Variants in ADGRB2 observed in about 807,000 individuals in gnomAD.
ADGRB2 encodes adhesion G protein-coupled receptor B2.
A neutral mutation model predicts 178.7 loss-of-function variants in ADGRB2; 47 were observed. The observed-to-expected ratio is 0.26, with a 90% CI of 0.21 to 0.34. The LOEUF (loss-of-function observed/expected upper bound fraction) is 0.34. Among genes scored for constraint, ADGRB2 ranks in the 10% least tolerant of loss-of-function variants. The probability of loss-of-function intolerance (pLI) is 1.00; values close to 1 mark genes in which losing one functional copy is unlikely to be tolerated. For synonymous variants in ADGRB2, 870 were observed against 912.4 expected (o/e 0.95, Z 0.84); for missense variants, 1,584 against 2,180.8 (o/e 0.73, Z 5.45).
chr1:31,751,116 C>T (rs978005124), intron 4 of ADGRB2, among the ~76,000 whole-genome samples: 1 of 152,214 alleles, frequency 6.6e-6, no homozygotes, highest in Non-Finnish European at 1.5e-5. Flanking sequence ...GGCCCCGTCT[C>T]CCTCCACCAG....
rs777699035 is a variant in ADGRB2, at chr1:31,756,260, A to AGTT, written c.574_576dup (p.Asn192dup). ...AGCACACCACAGGTGAATTGGCTAG[A>AGTT]GTTGTTGTTGTTGATGAGCAAGACC... On this transcript the variant is annotated inframe_insertion, in exon 4 of 33. Coordinates refer to ENST00000373658, the MANE Select transcript of ADGRB2 (RefSeq NM_001364857.2). The surrounding 1 kb of genome is among the most constrained non-coding windows in gnomAD (Gnocchi z 8.5). 3.1e-6 allele frequency: 5 copies of AGTT among 1,613,354 alleles called. No individual in the cohort carries two copies. The highest frequency in any genetic ancestry group is 4.2e-6 in the Non-Finnish European group (5 of 1,179,944).
chr1:31,728,391 C>G lies in ADGRB2; in HGVS notation c.4417-111G>C. ...CCACATCCCTCCCTGCTGCCAGCCC[C>G]TCTGGGACAAGACCTAGTTCTCTCT... On this transcript the variant is annotated intron_variant, in intron 30 of 32. Coordinates refer to ENST00000373658, the MANE Select transcript of ADGRB2 (RefSeq NM_001364857.2). This position sits in a 1 kb window ranked among gnomAD's most constrained non-coding sequence, Gnocchi z 6.7. 2 of 1,341,342 alleles carry G rather than the reference C, an allele frequency of 1.5e-6. No homozygotes were observed. The highest frequency in any genetic ancestry group is 1.1e-6 in the Non-Finnish European group (1 of 950,918). The allele number at this position is 1,341,342 out of a possible 1,614,324, so 83.1% of individuals were successfully genotyped here.
chr1:31,754,734 T>A lies in ADGRB2; in HGVS notation c.838+1265A>T, dbSNP rs1045504950. The stretch of plus-strand genomic sequence containing the variant: ...CCCCATCGAAAGTACTGGGTTAGGC[T>A]ACTTTCAAGATAACTACCCCCTCTA... On this transcript the variant is annotated intron_variant, in intron 4 of 32. Transcript: ENST00000373658. This position sits in a 1 kb window ranked among gnomAD's most constrained non-coding sequence, Gnocchi z 5.7. Among the ~76,000 whole-genome samples the A allele has an allele frequency of 2.0e-5, 3 of 152,218 alleles. No individual in the cohort carries two copies. The highest frequency in any genetic ancestry group is 4.4e-5 in the Non-Finnish European group (3 of 68,046).
chr1:31,739,495 A>G lies in ADGRB2; in HGVS notation c.2308T>C (p.Ser770Pro). ...FLPKEVLSLSSPGKPATSGAA... is the reference protein window; with the variant it reads ...FLPKEVLSLSPPGKPATSGAA... ...CCAGATGTGGCTGGCTTCCCTGGGG[A>G]GGAGAGGCTGAGCACCTCCTTGGGC... The change falls in exon 15 of 33, where the codon TCC becomes CCC. Residue 770 changes from serine (S) to proline (P), a missense_variant. Physicochemically the swap from Ser to Pro is moderately conservative, Grantham distance 74. Around this residue, in one of 3 missense-constraint regions of ADGRB2, gnomAD observed 865 missense variants for 1,192.8 expected, o/e 0.73. Coordinates refer to ENST00000373658, the MANE Select transcript of ADGRB2 (RefSeq NM_001364857.2). 1 of 1,612,092 alleles carries G rather than the reference A, an allele frequency of 6.2e-7. No individual in the cohort carries two copies.
chr1:31,728,393 C>G lies in ADGRB2; in HGVS notation c.4417-113G>C, dbSNP rs901642491. ...ACATCCCTCCCTGCTGCCAGCCCCT[C>G]TGGGACAAGACCTAGTTCTCTCTTC... On this transcript the variant is annotated intron_variant, in intron 30 of 32. Transcript: ENST00000373658. This position sits in a 1 kb window ranked among gnomAD's most constrained non-coding sequence, Gnocchi z 6.7. 1 of 1,318,420 alleles carries G rather than the reference C, an allele frequency of 7.6e-7. No homozygotes were observed. The highest frequency in any genetic ancestry group is 1.2e-5 in the South Asian group (1 of 81,588). 81.7% of individuals were successfully genotyped at this position (1,318,420 alleles called of 1,614,324 possible). A position where few individuals can be genotyped will look rare whatever the true frequency, so the allele number is the denominator to read the frequency against.
intron 25 of ADGRB2, among the ~76,000 whole-genome samples, chr1:31,734,660 G>A (rs1645474341): frequency 6.6e-6 from 1 of 152,146 alleles, no homozygotes; most frequent in Non-Finnish European, 1.5e-5. Context: ...CTAGGGCGGG[G>A]GTCTCAGTGA....
At position 31,728,194 on chromosome 1, in the gene ADGRB2, C is replaced by T; in HGVS notation, c.4503G>A (p.Gln1501=). 6.2e-7 allele frequency: 1 copy of T among 1,614,192 alleles called. No individual in the cohort carries two copies. Among genetic ancestry groups the T allele is most frequent in the Non-Finnish European group, 8.5e-7 (1 of 1,180,014 alleles). ...KFHTFDRYRS[Q]STAKREKRWS... is the part of the protein sequence containing the mutation. The stretch of plus-strand genomic sequence containing the variant: ...GAGGAGCCCTCACCTTGGCCGTGGA[C>T]TGGCTGCGGTAGCGGTCGAAAGTGT... The change falls in exon 31 of 33, where the codon CAG becomes CAA. Residue 1501 remains glutamine (Q), a synonymous_variant. Coordinates refer to ENST00000373658, the MANE Select transcript of ADGRB2 (RefSeq NM_001364857.2). The surrounding 1 kb of genome is among the most constrained non-coding windows in gnomAD (Gnocchi z 6.7).
chr1:31,751,753 C>T (rs1297493082), intron 4 of ADGRB2, among the ~76,000 whole-genome samples: 1 of 152,112 alleles, frequency 6.6e-6, no homozygotes, highest in Admixed American at 6.5e-5. Flanking sequence ...AATTCCTATT[C>T]ACTCCTTAAA....
At position 31,735,367 on chromosome 1, in the gene ADGRB2, G is replaced by A. The variant is rs1645531783; in HGVS notation, c.3354-86C>T. On this transcript the variant is annotated intron_variant, in intron 24 of 32. Coordinates refer to ENST00000373658, the MANE Select transcript of ADGRB2 (RefSeq NM_001364857.2). This position sits in a 1 kb window ranked among gnomAD's most constrained non-coding sequence, Gnocchi z 6.0. ...GCAGAATGAGCCCCGAGTGGGGTGG[G>A]AGGGGAGGGCAGACGAGAGAGAGAG... The A allele has an allele frequency of 9.4e-7, 1 of 1,069,126 alleles. No homozygotes were observed. Among genetic ancestry groups the A allele is most frequent in the Non-Finnish European group, 1.4e-6 (1 of 723,228 alleles). 66.2% of individuals were successfully genotyped at this position (1,069,126 alleles called of 1,614,324 possible).
In ADGRB2 at chr1:31,764,196, T is replaced by TC. The variant is rs2149084164; in HGVS notation, c.-504dup. 1 of 330,114 alleles carries TC rather than the reference T, an allele frequency of 3.0e-6. No homozygotes were observed. Among genetic ancestry groups the TC allele is most frequent in the East Asian group, 1.8e-4 (1 of 5,416 alleles). The allele number at this position is 330,114 out of a possible 1,614,324, so 20.4% of individuals were successfully genotyped here. A position where few individuals can be genotyped will look rare whatever the true frequency, so the allele number is the denominator to read the frequency against. ...AGCACCGCCCGCGCCGCGCGCCGCCTCCTATTTGCGGGCGGCGGCCGCAGC... is the reference window on the plus strand; with the variant it reads ...AGCACCGCCCGCGCCGCGCGCCGCCTCCCTATTTGCGGGCGGCGGCCGCAGC... On this transcript the variant is annotated 5_prime_UTR_variant, in exon 1 of 33. Transcript: ENST00000373658. This position sits in a 1 kb window ranked among gnomAD's most constrained non-coding sequence, Gnocchi z 7.3.
At position 31,736,328 on chromosome 1, in the gene ADGRB2, A is replaced by G. The variant is rs1372601933; in HGVS notation, c.3193T>C (p.Ser1065Pro). The G allele has an allele frequency of 3.7e-6, 6 of 1,613,924 alleles. No individual in the cohort carries two copies. Among genetic ancestry groups the G allele is most frequent in the Non-Finnish European group, 5.1e-6 (6 of 1,179,978 alleles). ...GFTRTKGYGTSSYCWLSLEGG... is the reference protein window; with the variant it reads ...GFTRTKGYGTPSYCWLSLEGG... ...CACGGGAGGCCCACGTACTAGCTGG[A>G]TGTACCGTATCCTTTCGTTCGGGTA... The change falls in exon 22 of 33, where the codon TCC becomes CCC. Residue 1065 changes from serine (S) to proline (P), a missense_variant. Physicochemically the swap from Ser to Pro is moderately conservative, Grantham distance 74. Coordinates refer to ENST00000373658, the MANE Select transcript of ADGRB2 (RefSeq NM_001364857.2).
rs530001822 is a variant in ADGRB2 at position 31,763,419 on chromosome 1, A to G, written c.-191+465T>C. 4.2e-5 allele frequency among the ~76,000 whole-genome samples: 6 copies of G among 144,390 alleles called. No individual in the cohort carries two copies. The South Asian group carries it at 1.1e-3, about 27-fold the overall frequency. 94.7% of individuals were successfully genotyped at this position (144,390 alleles called of 152,430 possible). ...CAGGAAAGACTCCGGGCAGTGATGA[A>G]GTGGAGGAGAGGAGCAGGGTCCGGC... On this transcript the variant is annotated intron_variant, in intron 1 of 32. Coordinates refer to ENST00000373658, the MANE Select transcript of ADGRB2 (RefSeq NM_001364857.2).
In ADGRB2 at chr1:31,741,039, T is replaced by C. The variant is rs868504523; in HGVS notation, c.1794+334A>G. 1.3e-5 allele frequency among the ~76,000 whole-genome samples: 2 copies of C among 152,184 alleles called. No individual in the cohort carries two copies. Among genetic ancestry groups the C allele is most frequent in the South Asian group, 2.1e-4 (1 of 4,824 alleles). On this transcript the variant is annotated intron_variant, in intron 11 of 32. Transcript: ENST00000373658. The surrounding 1 kb of genome is among the most constrained non-coding windows in gnomAD (Gnocchi z 6.5). ...ATTCACTGATGCTACTCTTACCCCATGACTGGCCCTGGGCTGGATGCTGGG... is the reference window on the plus strand; with the variant it reads ...ATTCACTGATGCTACTCTTACCCCACGACTGGCCCTGGGCTGGATGCTGGG...
At position 31,753,028 on chromosome 1, in the gene ADGRB2, G is replaced by T. The variant is rs1419355961; in HGVS notation, c.838+2971C>A. Among the ~76,000 whole-genome samples the T allele has an allele frequency of 6.6e-6, 1 of 152,166 alleles. No homozygotes were observed. Among genetic ancestry groups the T allele is most frequent in the Non-Finnish European group, 1.5e-5 (1 of 68,020 alleles). On this transcript the variant is annotated intron_variant, in intron 4 of 32. Transcript: ENST00000373658. This position sits in a 1 kb window ranked among gnomAD's most constrained non-coding sequence, Gnocchi z 4.1. ...AGGAGAGAGGCGTGCATGAGGCGGG[G>T]TTCTTTCTCCCAAGTATCACTGGGC...
In ADGRB2 at chr1:31,743,102, C is replaced by T. The variant is rs1646072482; in HGVS notation, c.1088-100G>A. ...ACCAATCAGGAGCTCCGCAGCTCTG[C>T]GGCTGCTCCTCATTGGCTCTGCCCC... On this transcript the variant is annotated intron_variant, in intron 6 of 32. Coordinates refer to ENST00000373658, the MANE Select transcript of ADGRB2 (RefSeq NM_001364857.2). 3.9e-6 allele frequency: 5 copies of T among 1,272,912 alleles called. No individual in the cohort carries two copies. The South Asian group carries it at 5.7e-5, about 14-fold the overall frequency. The allele number at this position is 1,272,912 out of a possible 1,614,324, so 78.9% of individuals were successfully genotyped here.
In ADGRB2 at chr1:31,737,633, A is replaced by G. The variant is rs1469849318; in HGVS notation, c.2876+19T>C. The G allele has an allele frequency of 1.2e-6, 2 of 1,613,236 alleles. No individual in the cohort carries two copies. Among genetic ancestry groups the G allele is most frequent in the Admixed American group, 1.7e-5 (1 of 59,998 alleles). ...CTGCCCCCCCTCCCCCAGCCACAAG[A>G]GCCAGGTGTCAGACCTACCTCCAAA... is the stretch of plus-strand genomic sequence containing the variant. On this transcript the variant is annotated intron_variant, in intron 19 of 32. Coordinates refer to ENST00000373658, the MANE Select transcript of ADGRB2 (RefSeq NM_001364857.2).
In ADGRB2 at chr1:31,733,216, T is replaced by C. The variant is rs1222635402; in HGVS notation, c.3453-73A>G. On this transcript the variant is annotated intron_variant, in intron 25 of 32. Transcript: ENST00000373658. The surrounding 1 kb of genome is among the most constrained non-coding windows in gnomAD (Gnocchi z 4.3). The stretch of plus-strand genomic sequence containing the variant: ...GGATGGCTTGAGCCTAGGCCTCCAC[T>C]CAGCTGGAGCTCTTCAGCTGCCCAA... 8 of 1,489,916 alleles carry C rather than the reference T, an allele frequency of 5.4e-6. No homozygotes were observed. The highest frequency in any genetic ancestry group is 7.2e-6 in the Non-Finnish European group (8 of 1,106,800). 92.3% of individuals were successfully genotyped at this position (1,489,916 alleles called of 1,614,324 possible). A position where few individuals can be genotyped will look rare whatever the true frequency, so the allele number is the denominator to read the frequency against.
In ADGRB2 at chr1:31,754,567, G is replaced by A. The variant is rs532142350; in HGVS notation, c.838+1432C>T. 4.6e-5 allele frequency among the ~76,000 whole-genome samples: 7 copies of A among 152,230 alleles called. No individual in the cohort carries two copies. The highest frequency in any genetic ancestry group is 9.6e-5 in the African/African-American group (4 of 41,454). ...AGCCTCCAGGGCCTGTAACCTACCC[G>A]CGGCCCGGCTGTCACTCGGACGGCT... On this transcript the variant is annotated intron_variant, in intron 4 of 32. Transcript: ENST00000373658. This position sits in a 1 kb window ranked among gnomAD's most constrained non-coding sequence, Gnocchi z 5.7.
Position 31,737,759 on chromosome 1 carries a change from G to A in ADGRB2, c.2773-4C>T. ...GGGAGCCCGCCAGCTCCAGGGTCTG[G>A]GGAAGATGGGCAGACAGTCAGATGG... is the stretch of plus-strand genomic sequence containing the variant. On this transcript the variant is annotated splice_region_variant and splice_polypyrimidine_tract_variant and intron_variant, in intron 18 of 32. Transcript: ENST00000373658. The A allele has an allele frequency of 6.2e-7, 1 of 1,613,144 alleles. No homozygotes were observed. The highest frequency in any genetic ancestry group is 8.5e-7 in the Non-Finnish European group (1 of 1,179,840).
Sources: gnomAD v4.1 joint callset for allele counts (sites outside exome capture counted in the v4.1 genomes callset) on GRCh38, gnomAD v4.1.1 for gene constraint, gnomAD v4.1.1 regional missense constraint, Gnocchi (gnomAD v3.1) non-coding constraint, MANE v1.5 for transcripts, NCBI Gene and HGNC (gene_info 2026-07-23, HGNC 2026-07-21) for gene names.